The following ZNF185 variants were observed in gnomAD, a reference collection of about 807,000 sequenced individuals.
ZNF185 encodes zinc finger protein 185.
In ZNF185, 56 loss-of-function variants were observed where a neutral mutation model predicts 58.6. The observed-to-expected ratio is 0.95, with a 90% CI of 0.77 to 1.19. The LOEUF (loss-of-function observed/expected upper bound fraction) is 1.19, where lower values mean the gene tolerates loss of function less well. ZNF185 is among the 50% of genes most tolerant of loss of function. ZNF185 has a pLI of 0.00. For missense variants in ZNF185, 627 were observed against 573.5 expected (o/e 1.09, Z -0.95); for synonymous variants, 230 against 215.9 (o/e 1.07, Z -0.57).
chrX:152,918,863 C>T, intron 6 of ZNF185, 120 bp from the exon 8 acceptor site: 1 of 500,585 alleles, frequency 2.0e-6, no homozygotes. Context: ...GAACAAGTGG[C>T]ATGACCTAAG....
At chrX:152,941,028 G>T (rs1395795172) in intron 15 of ZNF185, among the ~76,000 whole-genome samples, 1 of 112,404 alleles carries the variant, frequency 8.9e-6, no homozygotes, top group East Asian at 2.8e-4. Context: ...TTGGCTGAGA[G>T]AAGTGTCCAT....
intron 22 of ZNF185, among the ~76,000 whole-genome samples, 175 bp from the exon 25 acceptor site, chrX:152,971,099 T>C (rs1325834616): frequency 8.9e-6 from 1 of 111,831 alleles, no homozygotes; most frequent in Non-Finnish European, 1.9e-5. Flanking sequence ...GAGCAGAATA[T>C]ATCCCTTGAA....
the ZNF185 span, among the ~76,000 whole-genome samples, chrX:152,907,315 G>C: frequency 2.7e-5 from 3 of 112,339 alleles, no homozygotes; most frequent in East Asian, 8.5e-4. Context: ...TGCTGTGGTC[G>C]GGATAACAGG....
At chrX:152,936,989 GCTGTGCATTCC>G (rs1268304361) in intron 14 of ZNF185, among the ~76,000 whole-genome samples, 7 of 112,015 alleles carry the variant, frequency 6.2e-5, no homozygotes, top group Admixed American at 2.8e-4. Context: ...ATGGGAAGAA[GCTGTGCATTCC>G]CATGCTGTAA....
At chrX:152,970,487 C>A in exon 22 of ZNF185, 2 of 1,210,797 alleles carry the variant, frequency 1.7e-6, no homozygotes, top group South Asian at 1.8e-5. Flanking sequence ...TGGATCAGAT[C>A]TTCATTCACC....
the ZNF185 span, among the ~76,000 whole-genome samples, chrX:152,908,725 C>T: frequency 1.8e-5 from 2 of 113,309 alleles, no homozygotes; most frequent in East Asian, 2.8e-4. Flanking sequence ...TCGAGGCCGT[C>T]GTGCATGGGC....
chrX:152,902,006 C>T, the ZNF185 span, among the ~76,000 whole-genome samples: 3 of 112,244 alleles, frequency 2.7e-5, no homozygotes, highest in South Asian at 3.7e-4. Flanking sequence ...TCATTTCTCA[C>T]CTCAAAAGGG....
chrX:152,938,231 G>A, intron 15 of ZNF185, 68 bp downstream of exon 17: 1 of 1,067,833 alleles, frequency 9.4e-7, no homozygotes, highest in Non-Finnish European at 1.3e-6. Flanking sequence ...TGTGTCCATT[G>A]GCCTTTGGCT....
the ZNF185 span, among the ~76,000 whole-genome samples, chrX:152,900,594 C>T: frequency 8.9e-6 from 1 of 112,729 alleles, no homozygotes; most frequent in African/African-American, 3.2e-5. Flanking sequence ...ACTTTGCATT[C>T]GTTACCACTG....
chrX:152,914,986 G>A (rs1221439564), intron 2 of ZNF185, among the ~76,000 whole-genome samples, 152 bp from the exon 4 acceptor site: 1 of 111,967 alleles, frequency 8.9e-6, no homozygotes, highest in Non-Finnish European at 1.9e-5. Context: ...ATCCAGCAAT[G>A]TCACAGGGTG....
At chrX:152,907,166 G>A in the ZNF185 span, among the ~76,000 whole-genome samples, 2 of 111,759 alleles carry the variant, frequency 1.8e-5, no homozygotes, top group African/African-American at 3.3e-5. Context: ...TGCCGCTCCC[G>A]TCTGTGTCCA....
intron 16 of ZNF185, among the ~76,000 whole-genome samples, chrX:152,954,033 G>A (rs1449451851): frequency 1.8e-5 from 2 of 111,630 alleles, no homozygotes; most frequent in Non-Finnish European, 3.8e-5. Flanking sequence ...GAGCCACCGT[G>A]CCCGACCAAT....
intron 14 of ZNF185, among the ~76,000 whole-genome samples, chrX:152,937,822 C>T (rs1171546696): frequency 1.8e-5 from 2 of 112,286 alleles, no homozygotes; most frequent in Admixed American, 1.9e-4. Flanking sequence ...CAGGAGACTT[C>T]CCCAGGGAAC....
intron 13 of ZNF185, 29 bp downstream of exon 14, chrX:152,931,805 A>G (rs781937355): frequency 3.5e-6 from 4 of 1,155,901 alleles, no homozygotes; most frequent in Non-Finnish European, 4.7e-6. Context: ...CAGACACTTC[A>G]TTCCCAGAAC....
chrX:152,906,012 G>T, the ZNF185 span, among the ~76,000 whole-genome samples: 21 of 112,445 alleles, frequency 1.9e-4, no homozygotes, highest in African/African-American at 6.4e-4. Flanking sequence ...TAGCAGCTGG[G>T]GTCACCCTTG....
At chrX:152,947,375 C>T (rs1202158912) in intron 16 of ZNF185, among the ~76,000 whole-genome samples, 4 of 111,226 alleles carry the variant, frequency 3.6e-5, no homozygotes, top group Non-Finnish European at 7.5e-5. Context: ...AAAACAAGAT[C>T]CTGTCTCCAA....
intron 11 of ZNF185, among the ~76,000 whole-genome samples, chrX:152,924,200 G>A (rs1011953834): frequency 9.0e-6 from 1 of 111,438 alleles, no homozygotes; most frequent in African/African-American, 3.3e-5. Context: ...CTGCAGCCTC[G>A]ACCTTCCAGG....
At position 152,943,105 on chromosome X, in the gene ZNF185, A is replaced by C. The variant is rs183527923; in HGVS notation, c.1212-2162A>C. Among the ~76,000 whole-genome samples the C allele has an allele frequency of 3.1e-3, 345 of 110,996 alleles. 4 individuals carry two copies. Among genetic ancestry groups the C allele is most frequent in the African/African-American group, 0.011 (321 of 30,432 alleles). ...CTGCAACCTCTACCTCCTGGGCTCA[A>C]GTGATTCTCCTGCCTTAACCTCCCA... On this transcript the variant is annotated intron_variant, in intron 15 of 22. Coordinates refer to ENST00000449285, the Ensembl canonical transcript of ZNF185.
chrX:152,921,851 A>C (rs1939791348), intron 9 of ZNF185, among the ~76,000 whole-genome samples: 1 of 111,227 alleles, frequency 9.0e-6, no homozygotes, highest in African/African-American at 3.3e-5. Context: ...CTCTTCTTAC[A>C]AGGACAGCGG....
Sources: allele counts gnomAD v4.1 joint callset (sites outside exome capture counted in the v4.1 genomes callset), GRCh38; gene constraint gnomAD v4.1.1; transcripts MANE v1.5; gene names NCBI Gene and HGNC (gene_info 2026-07-23, HGNC 2026-07-21).